UBE2W: variants seen among roughly 807,000 people sequenced by gnomAD.
The protein encoded by UBE2W is ubiquitin conjugating enzyme E2 W.
UBE2W carries 18 observed loss-of-function variants against 27.2 expected under a neutral mutation model. The observed-to-expected ratio is 0.66, with a 90% CI of 0.46 to 0.98. The LOEUF (loss-of-function observed/expected upper bound fraction) is 0.98, where lower values mean the gene tolerates loss of function less well. Ranked by LOEUF, UBE2W falls within the 50% of genes least tolerant of loss-of-function variation. The pLI is 0.00. For missense variants in UBE2W, 90 were observed against 180.2 expected, an observed-to-expected ratio of 0.50 and a Z score of 2.87; for synonymous variants, 53 against 57.2, an observed-to-expected ratio of 0.93 and a Z score of 0.33.
chr8:73,792,776 T>C lies in UBE2W; in HGVS notation c.*1326A>G, dbSNP rs540226612. 2 of 985,540 alleles carry C rather than the reference T, an allele frequency of 2.0e-6. No individual in the cohort carries two copies. Among genetic ancestry groups the C allele is most frequent in the African/African-American group, 3.5e-5 (2 of 57,250 alleles). The allele number at this position is 985,540 out of a possible 1,614,324, so 61.0% of individuals were successfully genotyped here. On this transcript the variant is annotated 3_prime_UTR_variant, in exon 6 of 6. Transcript: ENST00000602593. ...CATTAACTCACATGGTACTGAGAAC[T>C]GGACCTTTCAACAATTTTTTTTTTC...
At chr8:73,851,820 A>C (rs142882550) in intron 1 of UBE2W, among the ~76,000 whole-genome samples, 1 of 102,474 alleles carries the variant, frequency 9.8e-6, no homozygotes, top group East Asian at 2.0e-4. Flanking sequence ...CTGACCCCAG[A>C]GTATTAGTCT....
chr8:73,826,854 T>G (rs1360628167), intron 2 of UBE2W, among the ~76,000 whole-genome samples: 1 of 152,218 alleles, frequency 6.6e-6, no homozygotes, highest in African/African-American at 2.4e-5. Flanking sequence ...GTAAAAAACC[T>G]AGCACATTCC....
intron 5 of UBE2W, among the ~76,000 whole-genome samples, chr8:73,801,139 C>A (rs899385041): frequency 1.3e-5 from 2 of 152,096 alleles, no homozygotes; most frequent in African/African-American, 4.8e-5. Flanking sequence ...ATTATAAATT[C>A]TAATTTAAAG....
downstream of UBE2W, among the ~76,000 whole-genome samples, chr8:73,783,195 G>C (rs573474180): frequency 1.3e-5 from 2 of 152,184 alleles, no homozygotes; most frequent in African/African-American, 2.4e-5. Flanking sequence ...ATATTGTCTT[G>C]TTTTCATAGT....
intron 3 of UBE2W, among the ~76,000 whole-genome samples, chr8:73,812,759 T>C (rs539100176): frequency 7.2e-5 from 11 of 152,220 alleles, no homozygotes; most frequent in African/African-American, 9.6e-5. Context: ...TCCCAGCACT[T>C]TGGCAGGCCG....
intron 1 of UBE2W, among the ~76,000 whole-genome samples, chr8:73,837,092 T>TGTAAGATGC (rs1392692183): frequency 6.6e-6 from 1 of 152,226 alleles, no homozygotes; most frequent in South Asian, 2.1e-4. Context: ...CGCCATCAAT[T>TGTAAGATGC]GTAAGATGCA....
At chr8:73,848,478 G>A (rs369132527) in intron 1 of UBE2W, among the ~76,000 whole-genome samples, 150 of 152,264 alleles carry the variant, frequency 9.9e-4, no homozygotes, top group African/African-American at 3.2e-3. Flanking sequence ...CTTTCCAGGA[G>A]TTTGAAACTA....
chr8:73,826,664 C>T (rs1809847563), intron 2 of UBE2W, among the ~76,000 whole-genome samples: 1 of 152,062 alleles, frequency 6.6e-6, no homozygotes, highest in Non-Finnish European at 1.5e-5. Context: ...ACCCAAGAGA[C>T]AATATTTTAT....
Position 73,787,733 on chromosome 8 carries a change from G to A in UBE2W, c.*6369C>T. On this transcript the variant is annotated 3_prime_UTR_variant, in exon 6 of 6. Coordinates refer to ENST00000602593, the MANE Select transcript of UBE2W (RefSeq NM_018299.6). ...GAGTCACTCATTTAAGTCATTAGTTGATCTGTTTGTATACTCCAGAAAGCA... is the reference window on the plus strand; with the variant it reads ...GAGTCACTCATTTAAGTCATTAGTTAATCTGTTTGTATACTCCAGAAAGCA... The A allele has an allele frequency of 3.0e-6, 3 of 985,362 alleles. No homozygotes were observed. The highest frequency in any genetic ancestry group is 3.6e-6 in the Non-Finnish European group (3 of 829,902). 61.0% of individuals were successfully genotyped at this position (985,362 alleles called of 1,614,324 possible).
Position 73,790,314 on chromosome 8 carries a change from G to A in UBE2W, c.*3788C>T. On this transcript the variant is annotated 3_prime_UTR_variant, in exon 6 of 6. Coordinates refer to ENST00000602593, the MANE Select transcript of UBE2W (RefSeq NM_018299.6). ...GACAGATTTAAAACAATTTAAAAAG[G>A]ACTACAAAGAGGATTGGGGCCAGTT... The A allele has an allele frequency of 4.1e-6, 4 of 985,326 alleles. No individual in the cohort carries two copies. The highest frequency in any genetic ancestry group is 4.8e-6 in the Non-Finnish European group (4 of 829,892). 61.0% of individuals were successfully genotyped at this position (985,326 alleles called of 1,614,324 possible).
At chr8:73,832,136 A>AATATATATATATATATATATATATATAT (rs111764105) in intron 1 of UBE2W, among the ~76,000 whole-genome samples, 151 of 145,326 alleles carry the variant, frequency 1.0e-3, no homozygotes, top group African/African-American at 3.8e-3. Flanking sequence ...AAAATAAATA[A>AATATATATATATATATATATATATATAT]ATATATATAT....
intron 3 of UBE2W, among the ~76,000 whole-genome samples, chr8:73,822,409 G>C (rs1809652853): frequency 6.6e-6 from 1 of 151,910 alleles, no homozygotes; most frequent in Non-Finnish European, 1.5e-5. Flanking sequence ...ATAGTAAAGA[G>C]AGCTCACTAA....
intron 3 of UBE2W, among the ~76,000 whole-genome samples, chr8:73,820,441 T>G (rs1809560902): frequency 6.6e-6 from 1 of 152,074 alleles, no homozygotes; most frequent in Non-Finnish European, 1.5e-5. Flanking sequence ...ACTACAGAAT[T>G]AACTGATATT....
chr8:73,826,040 C>T (rs1290158945), intron 2 of UBE2W, among the ~76,000 whole-genome samples: 2 of 151,802 alleles, frequency 1.3e-5, no homozygotes, highest in Non-Finnish European at 2.9e-5. Flanking sequence ...TTTTTTTCAT[C>T]AACATCCTAG....
At chr8:73,794,854 T>TAAAAAAAAAAAAAAA (rs1289254274) in intron 5 of UBE2W, among the ~76,000 whole-genome samples, 2 of 43,886 alleles carry the variant, frequency 4.6e-5, no homozygotes, top group Admixed American at 2.5e-4. Context: ...CTCTGTCTCA[T>TAAAAAAAAAAAAAAA]AAAAAAAAAA....
In UBE2W at chr8:73,791,801, G is replaced by A. The variant is rs572824969; in HGVS notation, c.*2301C>T. On this transcript the variant is annotated 3_prime_UTR_variant, in exon 6 of 6. Coordinates refer to ENST00000602593, the MANE Select transcript of UBE2W (RefSeq NM_018299.6). Reference sequence around the variant, plus strand: ...TACTCTTTAAACCATAAGATGTACCGAAATTATTTCATTTTCCTCTACTTT... The same window carrying A: ...TACTCTTTAAACCATAAGATGTACCAAAATTATTTCATTTTCCTCTACTTT... The A allele has an allele frequency of 4.7e-4, 462 of 984,446 alleles. 2 individuals are homozygous for A. In the African/African-American group the frequency reaches 7.2e-3, roughly 15 times the overall value. 61.0% of individuals were successfully genotyped at this position (984,446 alleles called of 1,614,324 possible). A position where few individuals can be genotyped will look rare whatever the true frequency, so the allele number is the denominator to read the frequency against.
chr8:73,840,553 A>T (rs1810499173), intron 1 of UBE2W, among the ~76,000 whole-genome samples: 2 of 152,260 alleles, frequency 1.3e-5, no homozygotes, highest in Non-Finnish European at 2.9e-5. Flanking sequence ...AGAAATTGAT[A>T]AAATTCCTTA....
chr8:73,845,356 G>A (rs553507896), intron 1 of UBE2W, among the ~76,000 whole-genome samples: 7 of 152,294 alleles, frequency 4.6e-5, no homozygotes, highest in East Asian at 3.9e-4. Flanking sequence ...ATTTTGTTCC[G>A]TACTAAGAGA....
In UBE2W at chr8:73,794,004, T is replaced by TCA; in HGVS notation, c.*96_*97dup. The stretch of plus-strand genomic sequence containing the variant: ...GGAAGTAGTCTTCATTGCCTATAGG[T>TCA]CACTTCCAGTCAAAGGTTAAAGTTC... On this transcript the variant is annotated 3_prime_UTR_variant, in exon 6 of 6. Transcript: ENST00000602593. The TCA allele has an allele frequency of 6.3e-7, 1 of 1,577,168 alleles. No homozygotes were observed. The highest frequency in any genetic ancestry group is 8.6e-7 in the Non-Finnish European group (1 of 1,163,166).
Sources: gnomAD v4.1 joint callset for allele counts (sites outside exome capture counted in the v4.1 genomes callset) on GRCh38, gnomAD v4.1.1 for gene constraint, MANE v1.5 for transcripts, NCBI Gene and HGNC (gene_info 2026-07-23, HGNC 2026-07-21) for gene names.